The following LINS1 variants were observed in gnomAD, a reference collection of about 807,000 sequenced individuals.
LINS1 encodes protein Lines homolog 1.
In LINS1, 27 loss-of-function variants were observed where a neutral mutation model predicts 41.6. The observed-to-expected ratio is 0.65, with a 90% CI of 0.48 to 0.89. The LOEUF is 0.89. Among genes scored for constraint, LINS1 ranks in the 40% least tolerant of loss-of-function variants. The pLI, the probability that LINS1 is intolerant of heterozygous loss-of-function variation, is 0.00. For synonymous variants in LINS1, 336 were observed against 312.9 expected, an observed-to-expected ratio of 1.07 and a Z score of -0.78; for missense variants, 955 against 884.1, an observed-to-expected ratio of 1.08 and a Z score of -1.02.
At chr15:100,579,896 T>A (rs1232830700) in intron 3 of LINS1, among the ~76,000 whole-genome samples, 1 of 152,188 alleles carries the variant, frequency 6.6e-6, no homozygotes, top group East Asian at 1.9e-4. Flanking sequence ...AGGTTAAGAA[T>A]CTGATTATGA....
chr15:100,594,704 A>C (rs1342763785), intron 1 of LINS1, among the ~76,000 whole-genome samples: 1 of 152,202 alleles, frequency 6.6e-6, no homozygotes, highest in Non-Finnish European at 1.5e-5. Flanking sequence ...AATAATGACA[A>C]GAAGAAAAAA....
Position 100,573,584 on chromosome 15 carries a change from T to C in LINS1, c.1222+67A>G, listed in dbSNP as rs958380615. The C allele has an allele frequency of 3.0e-6, 3 of 1,012,582 alleles. No homozygotes were observed. In the African/African-American group the frequency reaches 4.8e-5, roughly 16 times the overall value. 62.7% of individuals were successfully genotyped at this position (1,012,582 alleles called of 1,614,324 possible). A position where few individuals can be genotyped will look rare whatever the true frequency, so the allele number is the denominator to read the frequency against. ...AATTTAAACTAGTCCTGAGATTTGA[T>C]AATTATGAATTACTGTACTTAAGTA... On this transcript the variant is annotated intron_variant, in intron 5 of 6. Coordinates refer to ENST00000314742, the MANE Select transcript of LINS1 (RefSeq NM_001040616.3).
chr15:100,580,986 T>C, intron 1 of LINS1, 41 bp from the exon 2 acceptor site: 2 of 704,456 alleles, frequency 2.8e-6, no homozygotes, highest in Non-Finnish European at 4.6e-6. Context: ...AACTGCTATA[T>C]GCTTATTACA....
rs1158216713 is a variant in LINS1 at position 100,580,451 on chromosome 15, G to C, written c.392C>G (p.Ser131Cys). 2 of 1,613,700 alleles carry C rather than the reference G, an allele frequency of 1.2e-6. No individual in the cohort carries two copies. Among genetic ancestry groups the C allele is most frequent in the Admixed American group, 3.3e-5 (2 of 59,960 alleles). Reference sequence around the variant, plus strand: ...GAAAAACAAATGGCTTACTAATTTAGAATCGACTTTGGCTGATTCTAAGAG... The same window carrying C: ...GAAAAACAAATGGCTTACTAATTTACAATCGACTTTGGCTGATTCTAAGAG... The part of the protein sequence containing the change: ...KILLESAKVD[S>C]KLICMFQNSD... Residue 131 changes from serine to cysteine, a missense_variant, in exon 2 of 7, where the codon TCT becomes TGT. Coordinates refer to ENST00000314742, the MANE Select transcript of LINS1 (RefSeq NM_001040616.3).
In LINS1 at chr15:100,569,744, G is replaced by A; in HGVS notation, c.1768C>T (p.His590Tyr). 1 of 1,613,820 alleles carries A rather than the reference G, an allele frequency of 6.2e-7. No individual in the cohort carries two copies. The highest frequency in any genetic ancestry group is 8.5e-7 in the Non-Finnish European group (1 of 1,179,822). ...GAGGGAGCATCGGAAGCCCAGGAGT[G>A]CCGAGCACACACATCTCTGTGACTA... Reference protein sequence around the residue: ...PHSHRDVCARHSWASDAPSEP... With the variant: ...PHSHRDVCARYSWASDAPSEP... The change falls in exon 7 of 7, where the codon CAC becomes TAC. Residue 590 changes from histidine to tyrosine, a missense_variant. Coordinates refer to ENST00000314742, the MANE Select transcript of LINS1 (RefSeq NM_001040616.3).
At chr15:100,591,339 T>C (rs1352876361) in intron 1 of LINS1, among the ~76,000 whole-genome samples, 3 of 152,190 alleles carry the variant, frequency 2.0e-5, no homozygotes, top group East Asian at 3.9e-4. Context: ...GAGGACACCA[T>C]AACCTATGAA....
chr15:100,600,485 C>A lies in LINS1; in HGVS notation c.-104+1636G>T, dbSNP rs2039430083. On this transcript the variant is annotated intron_variant, in intron 1 of 6. Coordinates refer to ENST00000314742, the MANE Select transcript of LINS1 (RefSeq NM_001040616.3). ...TAAAACAATGGCTTCCTATACATTTCATTTAACAATACTAATAAAATACCG... is the reference window on the plus strand; with the variant it reads ...TAAAACAATGGCTTCCTATACATTTAATTTAACAATACTAATAAAATACCG... 3.2e-5 allele frequency among the ~76,000 whole-genome samples: 4 copies of A among 125,684 alleles called. No individual in the cohort carries two copies. In the East Asian group the frequency reaches 1.0e-3, roughly 33 times the overall value. The allele number at this position is 125,684 out of a possible 152,430, so 82.5% of individuals were successfully genotyped here.
intron 1 of LINS1, among the ~76,000 whole-genome samples, chr15:100,599,154 C>T (rs2039366824): frequency 6.6e-6 from 1 of 152,170 alleles, no homozygotes; most frequent in African/African-American, 2.4e-5. Context: ...AATTATTTCA[C>T]TTATATGTTG....
In LINS1 at chr15:100,572,530, T is replaced by TA. The variant is rs531872028; in HGVS notation, c.1223-466dup. 9.3e-5 allele frequency: 93 copies of TA among 995,794 alleles called. No homozygotes were observed. In the African/African-American group the frequency reaches 1.5e-3, roughly 16 times the overall value. The allele number at this position is 995,794 out of a possible 1,614,324, so 61.7% of individuals were successfully genotyped here. A position where few individuals can be genotyped will look rare whatever the true frequency, so the allele number is the denominator to read the frequency against. On this transcript the variant is annotated intron_variant, in intron 5 of 6. Coordinates refer to ENST00000314742, the MANE Select transcript of LINS1 (RefSeq NM_001040616.3). ...GAAGTACTACTATTAAGCACAAAAA[T>TA]AAAAAACGTTTTAGGTAGTTTGAAC...
chr15:100,572,397 G>C (rs1231744355), intron 5 of LINS1: 5 of 1,145,912 alleles, frequency 4.4e-6, no homozygotes, highest in Non-Finnish European at 5.4e-6. Context: ...AGACAACTAA[G>C]ATCACTTCAT....
intron 1 of LINS1, among the ~76,000 whole-genome samples, chr15:100,582,010 T>G (rs1319208745): frequency 6.6e-6 from 1 of 152,268 alleles, no homozygotes; most frequent in Non-Finnish European, 1.5e-5. Context: ...AATTACAGAC[T>G]TCTCTGCCCT....
intron 3 of LINS1, among the ~76,000 whole-genome samples, chr15:100,577,956 A>T (rs2038287802): frequency 6.6e-6 from 1 of 152,224 alleles, no homozygotes; most frequent in Admixed American, 6.5e-5. Context: ...GGTGCTGGGA[A>T]AACTGGCTAG....
intron 1 of LINS1, among the ~76,000 whole-genome samples, chr15:100,600,043 G>A (rs2039412708): frequency 5.3e-5 from 8 of 152,130 alleles, no homozygotes; most frequent in Admixed American, 5.2e-4. Context: ...TCCAGCCTGG[G>A]CGACAGAGGG....
Position 100,567,823 on chromosome 15 carries a change from T to G in LINS1, c.*1415A>C, listed in dbSNP as rs1036043939. On this transcript the variant is annotated 3_prime_UTR_variant, in exon 7 of 7. Transcript: ENST00000314742. The stretch of plus-strand genomic sequence containing the variant: ...TATTTGGCTAACACTGGTACTTCGC[T>G]GTTATTTTAATCGGCAACCTTCTAT... 1.3e-5 allele frequency: 2 copies of G among 152,248 alleles called. No individual in the cohort carries two copies. Among genetic ancestry groups the G allele is most frequent in the Non-Finnish European group, 2.9e-5 (2 of 68,042 alleles). 9.4% of individuals were successfully genotyped at this position (152,248 alleles called of 1,614,324 possible). A position where few individuals can be genotyped will look rare whatever the true frequency, so the allele number is the denominator to read the frequency against.
At chr15:100,582,985 G>A (rs992578693) in intron 1 of LINS1, among the ~76,000 whole-genome samples, 3 of 150,544 alleles carry the variant, frequency 2.0e-5, no homozygotes, top group Admixed American at 1.3e-4. Flanking sequence ...TCTACACTAC[G>A]GCCCACTAGC....
chr15:100,585,676 G>A (rs937755649), intron 1 of LINS1, among the ~76,000 whole-genome samples: 1 of 152,174 alleles, frequency 6.6e-6, no homozygotes, highest in Non-Finnish European at 1.5e-5. Flanking sequence ...ATGTGTACAT[G>A]TACATGTCTA....
intron 1 of LINS1, among the ~76,000 whole-genome samples, chr15:100,587,950 A>G (rs1291790640): frequency 6.6e-6 from 1 of 152,232 alleles, no homozygotes; most frequent in Non-Finnish European, 1.5e-5. Flanking sequence ...AGGGAGAAAG[A>G]GCCCAGAAAT....
intron 3 of LINS1, 73 bp from the exon 4 acceptor site, chr15:100,575,201 T>G: frequency 7.5e-7 from 1 of 1,325,836 alleles, no homozygotes; most frequent in Non-Finnish European, 1.1e-6. Context: ...TATACAACAT[T>G]GTTTATACAT....
chr15:100,575,518 A>G (rs1231668914), intron 3 of LINS1, among the ~76,000 whole-genome samples: 2 of 152,192 alleles, frequency 1.3e-5, no homozygotes, highest in African/African-American at 2.4e-5. Context: ...ACCCAGATTC[A>G]TAAAGCAACT....
Sources: gnomAD v4.1 joint callset for allele counts (sites outside exome capture counted in the v4.1 genomes callset) on GRCh38, gnomAD v4.1.1 for gene constraint, MANE v1.5 for transcripts, NCBI Gene and HGNC (gene_info 2026-07-23, HGNC 2026-07-21) for gene names.